The following STIP1 variants were observed in gnomAD, a reference collection of about 807,000 sequenced individuals.
STIP1 encodes the protein stress-induced-phosphoprotein 1.
Under a neutral mutation model 77.4 loss-of-function variants are expected in STIP1, and 16 were observed. The observed-to-expected ratio is 0.21, with a 90% CI of 0.14 to 0.31. The LOEUF is 0.31. Among genes scored for constraint, STIP1 ranks in the 10% least tolerant of loss-of-function variants. STIP1 has a pLI of 1.00. For synonymous variants in STIP1, 258 were observed against 246.6 expected (o/e 1.05, Z -0.44); for missense variants, 524 against 684.8 (o/e 0.77, Z 2.62).
rs979897850 is a variant in STIP1 at position 64,204,200 on chromosome 11, C to A, written c.*74C>A. 5 of 1,493,786 alleles carry A rather than the reference C, an allele frequency of 3.3e-6. No homozygotes were observed. The highest frequency in any genetic ancestry group is 1.1e-5 in the South Asian group (1 of 87,126). 92.5% of individuals were successfully genotyped at this position (1,493,786 alleles called of 1,614,324 possible). ...TGGGACCGCGGCGAGCAGCACGGAG[C>A]GGAAGGGAGAGCAGGGGAGAGAAGG... On this transcript the variant is annotated 3_prime_UTR_variant, in exon 14 of 14. Coordinates refer to ENST00000305218, the MANE Select transcript of STIP1 (RefSeq NM_006819.3).
intron 1 of STIP1, among the ~76,000 whole-genome samples, chr11:64,188,343 CAAAAAAA>C (rs35340432): frequency 2.0e-5 from 2 of 100,554 alleles, no homozygotes; most frequent in Admixed American, 9.5e-5. Context: ...GACTCCATCT[CAAAAAAA>C]AAAAAAAAAG....
In STIP1 at chr11:64,193,282, G is replaced by T; in HGVS notation, c.214G>T (p.Gly72Cys). The change falls in exon 2 of 14, where the codon GGC becomes TGC. Residue 72 changes from glycine to cysteine, a missense_variant. Physicochemically the swap from Gly to Cys is radical, Grantham distance 159. Coordinates refer to ENST00000305218, the MANE Select transcript of STIP1 (RefSeq NM_006819.3). Reference sequence around the variant, plus strand: ...GACTGTCGACCTAAAGCCTGACTGGGGCAAGGTCAGCTGTGGGCAGTGGAG... The same window carrying T: ...GACTGTCGACCTAAAGCCTGACTGGTGCAAGGTCAGCTGTGGGCAGTGGAG... ...CKTVDLKPDW[G>C]KGYSRKAAAL... 2.5e-6 allele frequency: 4 copies of T among 1,614,200 alleles called. No individual in the cohort carries two copies. The South Asian group carries it at 4.4e-5, about 18-fold the overall frequency.
chr11:64,197,141 G>C (rs1206272512), intron 5 of STIP1, 130 bp from the exon 6 acceptor site: 1 of 1,185,466 alleles, frequency 8.4e-7, no homozygotes, highest in Non-Finnish European at 1.2e-6. Flanking sequence ...GACTGATGAA[G>C]AGGCCTTCAG....
rs540416365 is a variant in STIP1, at chr11:64,200,099, G to T, written c.1120+63G>T. ...GGGTGTGCCTCCCGTGCCTGGCTGT[G>T]GGGTAAATGGCCGGCTACACATGGG... On this transcript the variant is annotated intron_variant, in intron 9 of 13. Transcript: ENST00000305218. 4.2e-5 allele frequency: 68 copies of T among 1,612,746 alleles called. No homozygotes were observed. The South Asian group carries it at 4.4e-4, about 10-fold the overall frequency.
In STIP1 at chr11:64,197,610, C is replaced by T. The variant is rs1352199970; in HGVS notation, c.902+15C>T. On this transcript the variant is annotated intron_variant, in intron 7 of 13. Coordinates refer to ENST00000305218, the MANE Select transcript of STIP1 (RefSeq NM_006819.3). ...CAGATTGCCAAGTAGGCTCAACCTT[C>T]CAGAATACCTTGAGTAGCGCGGAGG... 1 of 1,613,568 alleles carries T rather than the reference C, an allele frequency of 6.2e-7. No individual in the cohort carries two copies. Among genetic ancestry groups the T allele is most frequent in the Non-Finnish European group, 8.5e-7 (1 of 1,179,688 alleles).
chr11:64,187,951 C>T (rs959066123), intron 1 of STIP1, among the ~76,000 whole-genome samples: 3 of 150,044 alleles, frequency 2.0e-5, no homozygotes, highest in South Asian at 2.1e-4. Context: ...TGCAGTGAGC[C>T]GAGATTGCGC....
upstream of STIP1, chr11:64,185,863 C>A: frequency 6.5e-7 from 1 of 1,536,156 alleles, no homozygotes; most frequent in South Asian, 1.2e-5. Context: ...TGGAAATTTC[C>A]AGAACGATCA....
intron 1 of STIP1, among the ~76,000 whole-genome samples, chr11:64,192,155 A>G (rs1287411030): frequency 6.6e-6 from 1 of 152,164 alleles, no homozygotes; most frequent in Non-Finnish European, 1.5e-5. Flanking sequence ...CTCTACTAAA[A>G]TTACAAAAAT....
At chr11:64,190,003 CT>C (rs757338090) in intron 1 of STIP1, among the ~76,000 whole-genome samples, 110 of 146,356 alleles carry the variant, frequency 7.5e-4, no homozygotes, top group Middle Eastern at 3.5e-3. Flanking sequence ...TCATTTCTCT[CT>C]TTTTTTTTTT....
upstream of STIP1, chr11:64,185,663 C>A: frequency 2.0e-6 from 2 of 984,308 alleles, no homozygotes; most frequent in Non-Finnish European, 2.9e-6. Context: ...CCGCAGCCGC[C>A]GGCGACACAG....
intron 6 of STIP1, 43 bp from the exon 7 acceptor site, chr11:64,197,450 A>G: frequency 6.2e-7 from 1 of 1,613,990 alleles, no homozygotes; most frequent in Non-Finnish European, 8.5e-7. Flanking sequence ...CTGAGGGAGG[A>G]AGCAAAGACT....
Position 64,204,185 on chromosome 11 carries a change from G to T in STIP1, c.*59G>T. 6.3e-7 allele frequency: 1 copy of T among 1,582,832 alleles called. No homozygotes were observed. The highest frequency in any genetic ancestry group is 8.7e-7 in the Non-Finnish European group (1 of 1,152,862). On this transcript the variant is annotated 3_prime_UTR_variant, in exon 14 of 14. Transcript: ENST00000305218. ...TGTGGAAAGAGGAGCTGGGACCGCG[G>T]CGAGCAGCACGGAGCGGAAGGGAGA...
At chr11:64,202,551 TTTTG>T (rs1946230724) in intron 10 of STIP1, 1 of 313,742 alleles carries the variant, frequency 3.2e-6, no homozygotes, top group Admixed American at 4.7e-5. Flanking sequence ...CCCAGCGTTG[TTTTG>T]TTTTTTAGTC....
chr11:64,194,349 T>C lies in STIP1; in HGVS notation c.361+19T>C. 3 of 1,612,516 alleles carry C rather than the reference T, an allele frequency of 1.9e-6. No individual in the cohort carries two copies. The Admixed American group carries it at 5.0e-5, about 27-fold the overall frequency. On this transcript the variant is annotated intron_variant, in intron 3 of 13. Coordinates refer to ENST00000305218, the MANE Select transcript of STIP1 (RefSeq NM_006819.3). ...TTGGCAGGTAGGTACCACGCACAGT[T>C]TTCTTTCTTATTATTAATGTGATTA...
chr11:64,186,823 C>A (rs1205934207), intron 1 of STIP1, among the ~76,000 whole-genome samples: 1 of 152,192 alleles, frequency 6.6e-6, no homozygotes, highest in Non-Finnish European at 1.5e-5. Context: ...TGTTACTCTT[C>A]TACATCTGAG....
Position 64,199,924 on chromosome 11 carries a change from G to A in STIP1, c.1024-16G>A. 1 of 1,613,708 alleles carries A rather than the reference G, an allele frequency of 6.2e-7. No individual in the cohort carries two copies. Among genetic ancestry groups the A allele is most frequent in the Non-Finnish European group, 8.5e-7 (1 of 1,179,840 alleles). The stretch of plus-strand genomic sequence containing the variant: ...ATGAGCGTTTAAATTATTATTTCAA[G>A]AATTATGTTTTGTAGGCAGAGAAAA... On this transcript the variant is annotated splice_polypyrimidine_tract_variant and intron_variant, in intron 8 of 13. Coordinates refer to ENST00000305218, the MANE Select transcript of STIP1 (RefSeq NM_006819.3).
chr11:64,194,627 G>A lies in STIP1; in HGVS notation c.503+7G>A. ...AGCCTTCTGACCTGGGCACGTAAGT[G>A]GACGCCGCTCACTGAGGTTCTGGAA... is the stretch of plus-strand genomic sequence containing the variant. On this transcript the variant is annotated splice_region_variant and intron_variant, in intron 4 of 13. Coordinates refer to ENST00000305218, the MANE Select transcript of STIP1 (RefSeq NM_006819.3). 1.2e-6 allele frequency: 2 copies of A among 1,611,638 alleles called. No homozygotes were observed. Among genetic ancestry groups the A allele is most frequent in the East Asian group, 2.2e-5 (1 of 44,846 alleles).
intron 10 of STIP1, chr11:64,202,667 ATG>A: frequency 6.7e-6 from 4 of 598,482 alleles, no homozygotes; most frequent in Non-Finnish European, 9.0e-6. Context: ...GTCCCCCGCT[ATG>A]TGTTTTTCAT....
intron 5 of STIP1, chr11:64,196,950 T>A (rs985385078): frequency 3.6e-6 from 1 of 277,882 alleles, no homozygotes; most frequent in Non-Finnish European, 6.9e-6. Context: ...GAATAAAGCC[T>A]GGTCCAAAAC....
Sources: gnomAD v4.1 joint callset for allele counts (sites outside exome capture counted in the v4.1 genomes callset) on GRCh38, gnomAD v4.1.1 for gene constraint, MANE v1.5 for transcripts, NCBI Gene and HGNC (gene_info 2026-07-23, HGNC 2026-07-21) for gene names.